CORIN: variants seen among roughly 807,000 people sequenced by gnomAD.
CORIN encodes corin, serine peptidase.
Under a neutral mutation model 125.3 loss-of-function variants are expected in CORIN, and 117 were observed. The observed-to-expected ratio is 0.93, with a 90% confidence interval of 0.80 to 1.09. The LOEUF (loss-of-function observed/expected upper bound fraction) is 1.09, where lower values mean the gene tolerates loss of function less well. CORIN is among the 50% of genes least tolerant of loss of function. The pLI is 0.00. For missense variants in CORIN, 1,253 were observed against 1,306.7 expected (o/e 0.96, Z 0.63); for synonymous variants, 450 against 466.4 (o/e 0.96, Z 0.45).
At chr4:47,836,715 C>T (rs1350800954) in intron 1 of CORIN, among the ~76,000 whole-genome samples, 3 of 152,184 alleles carry the variant, frequency 2.0e-5, no homozygotes, top group Non-Finnish European at 4.4e-5. Flanking sequence ...AGTCAGAGCT[C>T]CCAGGGCTCG....
intron 10 of CORIN, among the ~76,000 whole-genome samples, chr4:47,669,861 A>G (rs189293622): frequency 0.013 from 2,034 of 152,136 alleles, 13 homozygotes; most frequent in Middle Eastern, 0.031. Flanking sequence ...GAGCCACCGC[A>G]CCCGGCTTCT....
At chr4:47,746,733 C>A (rs1728684528) in intron 4 of CORIN, among the ~76,000 whole-genome samples, 1 of 152,060 alleles carries the variant, frequency 6.6e-6, no homozygotes, top group Non-Finnish European at 1.5e-5. Flanking sequence ...AGGGTTTCAA[C>A]ATGTTGGCCA....
chr4:47,660,005 G>A (rs1010617393), intron 12 of CORIN, among the ~76,000 whole-genome samples: 1 of 152,048 alleles, frequency 6.6e-6, no homozygotes, highest in African/African-American at 2.4e-5. Context: ...CATAGGCTAA[G>A]GGAACAGAAA....
chr4:47,686,796 C>T (rs4441728), intron 6 of CORIN, among the ~76,000 whole-genome samples: 69,279 of 151,952 alleles, frequency 0.46, 17,795 homozygotes, highest in Non-Finnish European at 0.59. Flanking sequence ...TGTTTCAGCA[C>T]AATTTAAACC....
chr4:47,751,164 A>G (rs1340897848), intron 4 of CORIN, among the ~76,000 whole-genome samples: 1 of 152,234 alleles, frequency 6.6e-6, no homozygotes, highest in East Asian at 1.9e-4. Flanking sequence ...TTTCCACTCA[A>G]AAGAAAATTA....
chr4:47,706,713 G>A, intron 5 of CORIN: 2 of 1,606,282 alleles, frequency 1.2e-6, no homozygotes, highest in Non-Finnish European at 1.7e-6. Context: ...GGGGCTCTGG[G>A]AGTCCTGAAT....
chr4:47,815,697 T>C (rs1432204711), intron 1 of CORIN, among the ~76,000 whole-genome samples: 1 of 152,124 alleles, frequency 6.6e-6, no homozygotes, highest in Non-Finnish European at 1.5e-5. Context: ...TGGAGAGTCT[T>C]AAAGGTCAGT....
chr4:47,646,158 A>G (rs1723474638), intron 13 of CORIN, among the ~76,000 whole-genome samples: 1 of 152,172 alleles, frequency 6.6e-6, no homozygotes, highest in South Asian at 2.1e-4. Context: ...AATTGCTGTC[A>G]ATGCATAAGA....
chr4:47,825,709 T>TC (rs200947581), intron 1 of CORIN, among the ~76,000 whole-genome samples: 8,806 of 148,000 alleles, frequency 0.059, 460 homozygotes, highest in East Asian at 0.31. Flanking sequence ...TTTTTTTTTT[T>TC]TTTTTTTTTT....
chr4:47,758,044 G>C (rs1729267891), intron 4 of CORIN, among the ~76,000 whole-genome samples: 1 of 151,634 alleles, frequency 6.6e-6, no homozygotes, highest in African/African-American at 2.4e-5. Flanking sequence ...CTCCCGAGTA[G>C]CTGGGACTAC....
chr4:47,707,038 A>G, intron 5 of CORIN: 6 of 1,457,088 alleles, frequency 4.1e-6, no homozygotes, highest in Non-Finnish European at 5.4e-6. Context: ...TAGGACAGTC[A>G]TGTCTGCTTA....
At chr4:47,675,577 C>A (rs1343240058) in intron 9 of CORIN, among the ~76,000 whole-genome samples, 1 of 152,032 alleles carries the variant, frequency 6.6e-6, no homozygotes, top group South Asian at 2.1e-4. Context: ...TAAGTGCATG[C>A]CATGTGACAA....
rs543520207 is a variant in CORIN at position 47,690,532 on chromosome 4, A to G, written c.913+2438T>C. Among the ~76,000 whole-genome samples the G allele has an allele frequency of 1.2e-3, 189 of 152,234 alleles. 1 individual carries two copies. Among genetic ancestry groups the G allele is most frequent in the Non-Finnish European group, 2.2e-3 (152 of 68,042 alleles). Reference sequence around the variant, plus strand: ...CAATGAACTACACAGGCCACCTAATATGACCCATGTTTTATAAAAGCAGGC... The same window carrying G: ...CAATGAACTACACAGGCCACCTAATGTGACCCATGTTTTATAAAAGCAGGC... On this transcript the variant is annotated intron_variant, in intron 6 of 21. Coordinates refer to ENST00000273857, the MANE Select transcript of CORIN (RefSeq NM_006587.4).
chr4:47,723,515 G>A (rs1292231073), intron 5 of CORIN, among the ~76,000 whole-genome samples: 2 of 152,116 alleles, frequency 1.3e-5, no homozygotes, highest in Non-Finnish European at 2.9e-5. Context: ...AAACTGAACT[G>A]ACATTGGAAA....
At position 47,837,918 on chromosome 4, in the gene CORIN, T is replaced by A. The variant is rs761678563; in HGVS notation, c.32A>T (p.Glu11Val). The change falls in exon 1 of 22, where the codon GAG becomes GTG. Residue 11 changes from glutamate to valine, a missense_variant. Transcript: ENST00000273857. MKQSPALAPEERCRRAGSPKP... is the reference protein window; with the variant it reads MKQSPALAPEVRCRRAGSPKP... Reference sequence around the variant, plus strand: ...TGGGGACCCGGCTCTGCGGCAGCGCTCTTCCGGAGCGAGGGCAGGAGACTG... The same window carrying A: ...TGGGGACCCGGCTCTGCGGCAGCGCACTTCCGGAGCGAGGGCAGGAGACTG... The A allele has an allele frequency of 6.2e-7, 1 of 1,613,730 alleles. No homozygotes were observed. Among genetic ancestry groups the A allele is most frequent in the South Asian group, 1.1e-5 (1 of 91,074 alleles).
At chr4:47,775,229 TC>T (rs766172667) in intron 3 of CORIN, among the ~76,000 whole-genome samples, 11 of 152,022 alleles carry the variant, frequency 7.2e-5, no homozygotes, top group Non-Finnish European at 1.3e-4. Context: ...TCTTTTTTTT[TC>T]ATATATACTT....
intron 5 of CORIN, 93 bp from the exon 6 acceptor site, chr4:47,693,176 G>T: frequency 2.4e-6 from 2 of 820,650 alleles, no homozygotes; most frequent in Non-Finnish European, 2.0e-6. Flanking sequence ...ATCTTCTTTT[G>T]CTATTCAACA....
chr4:47,642,145 C>T (rs1723258082), intron 15 of CORIN, 96 bp from the exon 16 acceptor site: 5 of 1,287,014 alleles, frequency 3.9e-6, no homozygotes, highest in South Asian at 1.3e-5. Flanking sequence ...GGCATACATT[C>T]ATTTTCATTT....
At chr4:47,613,464 A>G (rs949805482) in intron 19 of CORIN, among the ~76,000 whole-genome samples, 4 of 152,212 alleles carry the variant, frequency 2.6e-5, no homozygotes, top group Non-Finnish European at 4.4e-5. Flanking sequence ...AAAAAAGAAA[A>G]AAAACTCAGA....
Sources: gnomAD v4.1 joint callset for allele counts (sites outside exome capture counted in the v4.1 genomes callset) on GRCh38, gnomAD v4.1.1 for gene constraint, MANE v1.5 for transcripts, NCBI Gene and HGNC (gene_info 2026-07-23, HGNC 2026-07-21) for gene names.